The following GHR variants were observed in gnomAD, a reference collection of about 807,000 sequenced individuals.
The protein encoded by GHR is GH receptor.
GHR carries 35 observed loss-of-function variants against 67.1 expected under a neutral mutation model. That is an observed-to-expected ratio of 0.52 (90% CI 0.40 to 0.69). The LOEUF (loss-of-function observed/expected upper bound fraction) is 0.69, where lower values mean the gene tolerates loss of function less well. GHR is among the 30% of genes least tolerant of loss of function. The pLI is 0.00. For synonymous variants in GHR, 272 were observed against 269.1 expected (o/e 1.01, Z -0.10); for missense variants, 792 against 764.6 (o/e 1.04, Z -0.42).
chr5:42,528,329 ACAG>A (rs1490919268), intron 1 of GHR, among the ~76,000 whole-genome samples: 7 of 152,176 alleles, frequency 4.6e-5, no homozygotes, highest in Non-Finnish European at 8.8e-5. Flanking sequence ...ATCAACCTTA[ACAG>A]CAGTTTAGAA....
At chr5:42,509,708 G>A (rs1266818095) in intron 1 of GHR, among the ~76,000 whole-genome samples, 1 of 150,852 alleles carries the variant, frequency 6.6e-6, no homozygotes, top group Non-Finnish European at 1.5e-5. Context: ...GAATGACTTA[G>A]GAAGTGCAGG....
chr5:42,459,079 T>G (rs536745904), intron 1 of GHR, among the ~76,000 whole-genome samples: 2 of 152,290 alleles, frequency 1.3e-5, no homozygotes, highest in South Asian at 4.1e-4. Context: ...AGTTCAGCAA[T>G]TGTGGTAAGC....
intron 2 of GHR, 80 bp downstream of exon 2, chr5:42,566,024 A>T: frequency 6.6e-7 from 1 of 1,519,382 alleles, no homozygotes; most frequent in Non-Finnish European, 9.1e-7. Context: ...AGTTTTTTGG[A>T]TGATTTTATT....
At chr5:42,491,374 A>T (rs540571984) in intron 1 of GHR, among the ~76,000 whole-genome samples, 3 of 152,376 alleles carry the variant, frequency 2.0e-5, no homozygotes, top group African/African-American at 7.2e-5. Context: ...TAAAGAGCTT[A>T]CTTTCACTAC....
Position 42,653,811 on chromosome 5 carries a change from T to A in GHR, c.136+24708T>A, listed in dbSNP as rs550459111. Among the ~76,000 whole-genome samples the A allele has an allele frequency of 3.2e-4, 48 of 152,296 alleles. 1 individual carries two copies. In the South Asian group the frequency reaches 9.7e-3, roughly 31 times the overall value. Reference sequence around the variant, plus strand: ...TGACCTGACTGCTTGTCGCTGTTGATGATCCTATAAAATTTCCTCTAAGAT... The same window carrying A: ...TGACCTGACTGCTTGTCGCTGTTGAAGATCCTATAAAATTTCCTCTAAGAT... On this transcript the variant is annotated intron_variant, in intron 3 of 9. Coordinates refer to ENST00000230882, the MANE Select transcript of GHR (RefSeq NM_000163.5).
intron 3 of GHR, among the ~76,000 whole-genome samples, chr5:42,639,050 A>T (rs1754340900): frequency 6.6e-6 from 1 of 152,170 alleles, no homozygotes; most frequent in African/African-American, 2.4e-5. Context: ...TGGACATATC[A>T]TTCAGTATTA....
At chr5:42,561,099 A>G (rs917033329) in intron 1 of GHR, among the ~76,000 whole-genome samples, 3 of 152,190 alleles carry the variant, frequency 2.0e-5, no homozygotes, top group Admixed American at 2.0e-4. Flanking sequence ...CATACTCAGA[A>G]TTCATACTCA....
chr5:42,438,965 G>A (rs914981860), intron 1 of GHR, among the ~76,000 whole-genome samples: 7 of 152,124 alleles, frequency 4.6e-5, no homozygotes, highest in African/African-American at 7.2e-5. Context: ...AAATAATGCA[G>A]CCTAACACTG....
chr5:42,648,085 G>T (rs543427641), intron 3 of GHR, among the ~76,000 whole-genome samples: 4 of 152,112 alleles, frequency 2.6e-5, no homozygotes, highest in South Asian at 4.1e-4. Flanking sequence ...TAAAAAGAGC[G>T]TAGAAACCCT....
intron 6 of GHR, 149 bp from the exon 7 acceptor site, chr5:42,711,058 T>C (rs1307301298): frequency 1.2e-5 from 8 of 693,774 alleles, no homozygotes; most frequent in Non-Finnish European, 1.0e-5. Context: ...TCAATCTTCC[T>C]TTAAATAACA....
chr5:42,577,458 G>A (rs571509096), intron 2 of GHR, among the ~76,000 whole-genome samples: 18 of 152,204 alleles, frequency 1.2e-4, no homozygotes, highest in Admixed American at 5.9e-4. Context: ...TCAGTTATGC[G>A]AAACGAAAGG....
chr5:42,524,917 G>A (rs1747641718), intron 1 of GHR, among the ~76,000 whole-genome samples: 1 of 152,234 alleles, frequency 6.6e-6, no homozygotes, highest in African/African-American at 2.4e-5. Flanking sequence ...GTCAAGAACT[G>A]AGGTTTGGGA....
intron 1 of GHR, among the ~76,000 whole-genome samples, chr5:42,460,718 T>TACC: frequency 1.3e-5 from 2 of 152,216 alleles, no homozygotes; most frequent in Non-Finnish European, 2.9e-5. Flanking sequence ...GAGTGTTTCC[T>TACC]AATAGTTAAT....
At chr5:42,510,777 G>A (rs1746980292) in intron 1 of GHR, among the ~76,000 whole-genome samples, 1 of 152,196 alleles carries the variant, frequency 6.6e-6, no homozygotes, top group African/African-American at 2.4e-5. Context: ...CACAAAAGTG[G>A]TCATAGGAAG....
intron 3 of GHR, among the ~76,000 whole-genome samples, chr5:42,670,870 A>AG (rs1399086875): frequency 2.5e-4 from 22 of 87,364 alleles, no homozygotes; most frequent in Admixed American, 7.4e-4. Context: ...AAAATTAAAA[A>AG]AAAAAAAAAA....
intron 1 of GHR, among the ~76,000 whole-genome samples, chr5:42,517,787 T>C (rs1353420041): frequency 6.6e-6 from 1 of 151,954 alleles, no homozygotes; most frequent in African/African-American, 2.4e-5. Context: ...TAGTGGACTT[T>C]TTTTTTTTTG....
rs1303829214 is a variant in GHR at position 42,719,482 on chromosome 5, T to G, written c.*58T>G. ...AATAGCAAAGAATTGACTGGGGCAA[T>G]AACGTTTAAGCCAAAACAATGTTTA... is the stretch of plus-strand genomic sequence containing the variant. On this transcript the variant is annotated 3_prime_UTR_variant, in exon 10 of 10. Coordinates refer to ENST00000230882, the MANE Select transcript of GHR (RefSeq NM_000163.5). 1 of 1,539,078 alleles carries G rather than the reference T, an allele frequency of 6.5e-7. No individual in the cohort carries two copies. Among genetic ancestry groups the G allele is most frequent in the African/African-American group, 1.4e-5 (1 of 73,676 alleles).
At chr5:42,511,939 G>T (rs1441515690) in intron 1 of GHR, among the ~76,000 whole-genome samples, 1 of 152,138 alleles carries the variant, frequency 6.6e-6, no homozygotes, top group African/African-American at 2.4e-5. Context: ...CCCATTCTAG[G>T]AATCCAAGCT....
chr5:42,610,913 G>T (rs1752860183), intron 2 of GHR, among the ~76,000 whole-genome samples: 1 of 152,124 alleles, frequency 6.6e-6, no homozygotes, highest in African/African-American at 2.4e-5. Context: ...TCAGAGCATA[G>T]CAGCTGAGGG....
Sources: gnomAD v4.1 joint callset for allele counts (sites outside exome capture counted in the v4.1 genomes callset) on GRCh38, gnomAD v4.1.1 for gene constraint, MANE v1.5 for transcripts, NCBI Gene and HGNC (gene_info 2026-07-23, HGNC 2026-07-21) for gene names.